WRAP73: variants seen among roughly 807,000 people sequenced by gnomAD.
WRAP73 encodes WD repeat-containing protein WRAP73.
WRAP73 carries 55 observed loss-of-function variants against 59.6 expected under a neutral mutation model. The ratio of observed to expected loss-of-function variants is 0.92; its 90% CI spans 0.74 to 1.15. The LOEUF (loss-of-function observed/expected upper bound fraction) is 1.15, where lower values mean the gene tolerates loss of function less well. Among genes scored for constraint, WRAP73 ranks in the 50% most tolerant of loss-of-function variants. WRAP73 has a pLI of 0.00. For missense variants in WRAP73, 592 were observed against 608.1 expected (o/e 0.97, Z 0.28); for synonymous variants, 265 against 258.2 (o/e 1.03, Z -0.25).
chr1:3,631,415 A>G lies in WRAP73; in HGVS notation c.1240+51T>C, dbSNP rs915218490. ...TCAACAGTTCAGCCCGTGTGATGCC[A>G]GACTGCACACAGCAAGGCTGCCACG... On this transcript the variant is annotated intron_variant, in intron 11 of 11. Coordinates refer to ENST00000270708, the MANE Select transcript of WRAP73 (RefSeq NM_017818.4). The G allele has an allele frequency of 1.8e-5, 28 of 1,543,882 alleles. No homozygotes were observed. The Admixed American group carries it at 4.5e-4, about 25-fold the overall frequency.
intron 6 of WRAP73, 80 bp from the exon 7 acceptor site, chr1:3,635,374 G>A (rs1644580400): frequency 6.3e-7 from 1 of 1,578,722 alleles, no homozygotes; most frequent in Admixed American, 1.7e-5. Flanking sequence ...GCTGCAGAGT[G>A]ACATTGGTGC....
intron 1 of WRAP73, 62 bp downstream of exon 1, chr1:3,649,869 T>G (rs1004649): frequency 0.05 from 76,097 of 1,531,662 alleles, 2,915 homozygotes; most frequent in East Asian, 0.2. Context: ...CCCCCGGCCC[T>G]GCCCGCCGGG....
chr1:3,637,429 T>TC (rs141791653), intron 4 of WRAP73, among the ~76,000 whole-genome samples: 30,391 of 151,778 alleles, frequency 0.2, 3,613 homozygotes, highest in East Asian at 0.34. Context: ...GGCCTTCGAG[T>TC]CCCCCCATGT....
At chr1:3,632,473 G>C in intron 9 of WRAP73, 135 bp from the exon 10 acceptor site, 1 of 1,431,776 alleles carries the variant, frequency 7.0e-7, no homozygotes, top group Non-Finnish European at 9.7e-7. Context: ...TGCGGCCCAA[G>C]GGCAGGAAGA....
rs531523915 is a variant in WRAP73 at position 3,650,060 on chromosome 1, C to A, written c.-61G>T. ...AAAACCCGCGGGACCCCTGGGCGCGCAGCAGGCTGCAACAGCCGACGCCGG... is the reference window on the plus strand; with the variant it reads ...AAAACCCGCGGGACCCCTGGGCGCGAAGCAGGCTGCAACAGCCGACGCCGG... On this transcript the variant is annotated 5_prime_UTR_variant, in exon 1 of 12. Coordinates refer to ENST00000270708, the MANE Select transcript of WRAP73 (RefSeq NM_017818.4). 8.1e-6 allele frequency: 12 copies of A among 1,476,682 alleles called. No individual in the cohort carries two copies. Among genetic ancestry groups the A allele is most frequent in the South Asian group, 2.5e-5 (2 of 79,386 alleles). The allele number at this position is 1,476,682 out of a possible 1,614,324, so 91.5% of individuals were successfully genotyped here. A position where few individuals can be genotyped will look rare whatever the true frequency, so the allele number is the denominator to read the frequency against.
intron 10 of WRAP73, chr1:3,631,885 ATTT>A: frequency 1.9e-5 from 25 of 1,333,604 alleles, no homozygotes; most frequent in South Asian, 5.9e-5. Context: ...TTTCTTTGGT[ATTT>A]TTTTTTTTTT....
intron 4 of WRAP73, 55 bp from the exon 5 acceptor site, chr1:3,637,153 A>G: frequency 7.0e-7 from 1 of 1,435,380 alleles, no homozygotes; most frequent in South Asian, 1.2e-5. Flanking sequence ...CAAGCAAGAG[A>G]AACCACAGTA....
In WRAP73 at chr1:3,639,932, G is replaced by A. The variant is rs1644623092; in HGVS notation, c.340-1110C>T. Among the ~76,000 whole-genome samples, 1 of 152,228 alleles carries A rather than the reference G, an allele frequency of 6.6e-6. No individual in the cohort carries two copies. The highest frequency in any genetic ancestry group is 1.5e-5 in the Non-Finnish European group (1 of 68,026). ...GTGGGGCCGCAGCGTGTGGGGCACA[G>A]CATGTCCACAGTGTCACTCCTGCAA... On this transcript the variant is annotated intron_variant, in intron 3 of 11. Coordinates refer to ENST00000270708, the MANE Select transcript of WRAP73 (RefSeq NM_017818.4). This position sits in a 1 kb window ranked among gnomAD's most constrained non-coding sequence, Gnocchi z 4.3.
In WRAP73 at chr1:3,639,354, G is replaced by A. The variant is rs924211667; in HGVS notation, c.340-532C>T. On this transcript the variant is annotated intron_variant, in intron 3 of 11. Transcript: ENST00000270708. This position sits in a 1 kb window ranked among gnomAD's most constrained non-coding sequence, Gnocchi z 4.3. ...CGCTGGCCTGGCTGCATCTGCAGAG[G>A]GTTCTAGAACATGCGCTGCTGGACT... is the stretch of plus-strand genomic sequence containing the variant. 2 of 168,330 alleles carry A rather than the reference G, an allele frequency of 1.2e-5. No individual in the cohort carries two copies. Among genetic ancestry groups the A allele is most frequent in the Admixed American group, 6.3e-5 (1 of 15,956 alleles). 10.4% of individuals were successfully genotyped at this position (168,330 alleles called of 1,614,324 possible).
intron 8 of WRAP73, 37 bp downstream of exon 8, chr1:3,634,960 C>T: frequency 4.3e-6 from 7 of 1,611,598 alleles, no homozygotes; most frequent in Non-Finnish European, 5.9e-6. Flanking sequence ...CCCTCCCCAA[C>T]AGCCTGCTCA....
At chr1:3,633,657 C>T (rs998248437) in intron 8 of WRAP73, 154 bp from the exon 9 acceptor site, 5 of 619,164 alleles carry the variant, frequency 8.1e-6, no homozygotes, top group East Asian at 5.9e-5. Flanking sequence ...GCACGAACCC[C>T]GCAGTCCCGA....
Position 3,635,197 on chromosome 1 carries a change from C to G in WRAP73, c.701G>C (p.Ser234Thr). 1.2e-6 allele frequency: 2 copies of G among 1,614,100 alleles called. No individual in the cohort carries two copies. The highest frequency in any genetic ancestry group is 3.3e-5 in the Admixed American group (2 of 60,024). ...LGIKSVAWSP[S>T]SQFLAVGSYD... The stretch of plus-strand genomic sequence containing the variant: ...GCTCCCAACTGCCAGGAACTGACTG[C>G]TGGGGCTCCAGGCCACAGACTTGAT... Residue 234 changes from serine (S) to threonine (T), a missense_variant, in exon 7 of 12, where the codon AGC becomes ACC. Ser to Thr is a moderately conservative substitution (Grantham distance 58). Coordinates refer to ENST00000270708, the MANE Select transcript of WRAP73 (RefSeq NM_017818.4).
At chr1:3,633,743 G>A (rs574815323) in intron 8 of WRAP73, 1 of 490,800 alleles carries the variant, frequency 2.0e-6, no homozygotes, top group South Asian at 3.0e-5. Context: ...CAGCAAATGT[G>A]TGCCCTGTGA....
At chr1:3,645,408 C>T (rs1256926062) in intron 3 of WRAP73, among the ~76,000 whole-genome samples, 23 of 128,650 alleles carry the variant, frequency 1.8e-4, no homozygotes, top group Admixed American at 1.5e-4. Flanking sequence ...CGGGTTGCCC[C>T]GTGGTGTGCG....
chr1:3,643,500 C>T (rs1243794882), intron 3 of WRAP73, among the ~76,000 whole-genome samples: 11 of 152,254 alleles, frequency 7.2e-5, no homozygotes, highest in Admixed American at 7.2e-4. Context: ...GAGGCAGGGA[C>T]GTCTCCCATG....
chr1:3,632,470 C>A, intron 9 of WRAP73, 132 bp from the exon 10 acceptor site: 1 of 1,452,758 alleles, frequency 6.9e-7, no homozygotes, highest in Non-Finnish European at 9.5e-7. Flanking sequence ...AAGTGCGGCC[C>A]AAGGGCAGGA....
rs747661311 is a variant in WRAP73 at position 3,650,045 on chromosome 1, G to A, written c.-46C>T. 6.8e-5 allele frequency: 104 copies of A among 1,534,594 alleles called. No individual in the cohort carries two copies. Among genetic ancestry groups the A allele is most frequent in the Non-Finnish European group, 9.0e-5 (103 of 1,140,904 alleles). ...GCCACCCTGCGCCCGAAAACCCGCG[G>A]GACCCCTGGGCGCGCAGCAGGCTGC... On this transcript the variant is annotated 5_prime_UTR_variant, in exon 1 of 12. Transcript: ENST00000270708.
intron 2 of WRAP73, 79 bp downstream of exon 2, chr1:3,647,328 AG>A: frequency 7.1e-7 from 1 of 1,399,722 alleles, no homozygotes; most frequent in Non-Finnish European, 9.4e-7. Flanking sequence ...TTTTCAAACT[AG>A]AAAGGCACAG....
At chr1:3,634,868 A>G (rs1226177437) in intron 8 of WRAP73, 129 bp downstream of exon 8, 1 of 1,101,518 alleles carries the variant, frequency 9.1e-7, no homozygotes, top group Admixed American at 1.7e-5. Context: ...ATGTCACAGT[A>G]GCAAGTTTAC....
Sources: gnomAD v4.1 joint callset for allele counts (sites outside exome capture counted in the v4.1 genomes callset) on GRCh38, gnomAD v4.1.1 for gene constraint, Gnocchi (gnomAD v3.1) non-coding constraint, MANE v1.5 for transcripts, NCBI Gene and HGNC (gene_info 2026-07-23, HGNC 2026-07-21) for gene names.